SNRK: variants seen among roughly 807,000 people sequenced by gnomAD.
The protein encoded by SNRK is SNF-related serine/threonine-protein kinase.
Under a neutral mutation model 48.2 loss-of-function variants are expected in SNRK, and 3 were observed. The observed-to-expected ratio is 0.06, with a 90% CI of 0.03 to 0.16. SNRK has a LOEUF of 0.16. Ranked by LOEUF, SNRK falls within the 10% of genes least tolerant of loss-of-function variation. The pLI is 1.00. For missense variants in SNRK, 627 were observed against 976.0 expected, an observed-to-expected ratio of 0.64 and a Z score of 4.76; for synonymous variants, 376 against 366.1, an observed-to-expected ratio of 1.03 and a Z score of -0.31.
At chr3:43,340,715 TGG>T in intron 5 of SNRK, 1 of 556,140 alleles carries the variant, frequency 1.8e-6, no homozygotes, top group South Asian at 2.1e-5. Context: ...AAGCCATTGC[TGG>T]GTGGTTTCAG....
chr3:43,304,158 G>C (rs1176804096), intron 3 of SNRK, among the ~76,000 whole-genome samples: 1 of 152,088 alleles, frequency 6.6e-6, no homozygotes, highest in Non-Finnish European at 1.5e-5. Context: ...AATCATTGGA[G>C]ACCCATATTG....
At chr3:43,310,235 G>T (rs1219912911) in intron 3 of SNRK, among the ~76,000 whole-genome samples, 1 of 151,670 alleles carries the variant, frequency 6.6e-6, no homozygotes, top group African/African-American at 2.4e-5. Context: ...TTATTTTGTG[G>T]TTTTCATTTG....
intron 1 of SNRK, among the ~76,000 whole-genome samples, chr3:43,289,151 A>AC (rs1559456680): frequency 1.3e-5 from 2 of 152,146 alleles, no homozygotes; most frequent in African/African-American, 4.8e-5. Context: ...ATAGGGAAAA[A>AC]CCTGCAGAAG....
chr3:43,293,170 C>T (rs1376855011), intron 1 of SNRK, among the ~76,000 whole-genome samples: 2 of 151,724 alleles, frequency 1.3e-5, no homozygotes, highest in Non-Finnish European at 2.9e-5. Context: ...AGTGGCTGAT[C>T]TCGGCTCACT....
At chr3:43,302,384 T>C (rs1447899654) in intron 2 of SNRK, among the ~76,000 whole-genome samples, 2 of 152,150 alleles carry the variant, frequency 1.3e-5, no homozygotes, top group East Asian at 1.9e-4. Context: ...ATTTCAAAAT[T>C]TAATAAGACA....
At position 43,347,740 on chromosome 3, in the gene SNRK, A is replaced by C; in HGVS notation, c.1481A>C (p.Glu494Ala). The change falls in exon 7 of 7, where the codon GAA becomes GCA. Residue 494 changes from glutamate (E) to alanine (A), a missense_variant. Coordinates refer to ENST00000296088, the MANE Select transcript of SNRK (RefSeq NM_017719.5). The surrounding 1 kb of genome is among the most constrained non-coding windows in gnomAD (Gnocchi z 5.4). ...PVLNQIFEEG[E>A]SDDEFDMDEN... The stretch of plus-strand genomic sequence containing the variant: ...CTCAACCAGATCTTTGAGGAAGGGG[A>C]ATCTGACGATGAGTTTGACATGGAT... 6.2e-7 allele frequency: 1 copy of C among 1,614,132 alleles called. No homozygotes were observed. Among genetic ancestry groups the C allele is most frequent in the Non-Finnish European group, 8.5e-7 (1 of 1,180,030 alleles).
At chr3:43,322,410 T>C (rs1367883311) in intron 3 of SNRK, among the ~76,000 whole-genome samples, 1 of 152,224 alleles carries the variant, frequency 6.6e-6, no homozygotes, top group Non-Finnish European at 1.5e-5. Context: ...AGTTCGTGGA[T>C]GTAGTACACA....
chr3:43,347,147 C>A lies in SNRK; in HGVS notation c.1080-192C>A. 1.9e-6 allele frequency: 1 copy of A among 527,768 alleles called. No individual in the cohort carries two copies. Among genetic ancestry groups the A allele is most frequent in the East Asian group, 3.0e-5 (1 of 33,246 alleles). 32.7% of individuals were successfully genotyped at this position (527,768 alleles called of 1,614,324 possible). A position where few individuals can be genotyped will look rare whatever the true frequency, so the allele number is the denominator to read the frequency against. On this transcript the variant is annotated intron_variant, in intron 6 of 6. Coordinates refer to ENST00000296088, the MANE Select transcript of SNRK (RefSeq NM_017719.5). This position sits in a 1 kb window ranked among gnomAD's most constrained non-coding sequence, Gnocchi z 5.4. ...TTGGCCAATAAGCCACAAACTGAAC[C>A]ATGTTTCAAAACCACATTTGCCCTT...
chr3:43,326,710 A>G (rs1239926104), intron 3 of SNRK, among the ~76,000 whole-genome samples: 2 of 152,140 alleles, frequency 1.3e-5, no homozygotes, highest in Non-Finnish European at 2.9e-5. Context: ...GATGTCTCCT[A>G]AGTTTAGACT....
chr3:43,337,259 G>T (rs889933881), intron 4 of SNRK, among the ~76,000 whole-genome samples: 1 of 150,186 alleles, frequency 6.7e-6, no homozygotes, highest in African/African-American at 2.5e-5. Context: ...ATTTTTAGTA[G>T]TGATGGGGTT....
At chr3:43,322,921 C>T (rs1386543097) in intron 3 of SNRK, among the ~76,000 whole-genome samples, 2 of 117,926 alleles carry the variant, frequency 1.7e-5, no homozygotes, top group Non-Finnish European at 3.3e-5. Flanking sequence ...CACTGCACTA[C>T]AGCCTGCGCG....
chr3:43,328,400 T>C (rs907903858), intron 3 of SNRK, among the ~76,000 whole-genome samples: 9 of 152,210 alleles, frequency 5.9e-5, no homozygotes, highest in East Asian at 3.9e-4. Context: ...TGGCTATGTT[T>C]CCCAGGCTAG....
Position 43,348,838 on chromosome 3 carries a change from T to C in SNRK, c.*281T>C, listed in dbSNP as rs1437260505. 6.9e-6 allele frequency: 2 copies of C among 290,416 alleles called. No homozygotes were observed. Among genetic ancestry groups the C allele is most frequent in the Admixed American group, 4.9e-5 (1 of 20,316 alleles). The allele number at this position is 290,416 out of a possible 1,614,324, so 18.0% of individuals were successfully genotyped here. A position where few individuals can be genotyped will look rare whatever the true frequency, so the allele number is the denominator to read the frequency against. ...CAAGATATATATCTGGAACCTCTTA[T>C]AAATGGAGCACTTAGAAATTTGTTG... On this transcript the variant is annotated 3_prime_UTR_variant, in exon 7 of 7. Transcript: ENST00000296088.
chr3:43,331,727 G>GT (rs2091148051), intron 3 of SNRK, among the ~76,000 whole-genome samples: 1 of 152,086 alleles, frequency 6.6e-6, no homozygotes, highest in East Asian at 1.9e-4. Context: ...ACATCACCTG[G>GT]TTACCTCACT....
chr3:43,326,442 G>A (rs2091097226), intron 3 of SNRK, among the ~76,000 whole-genome samples: 1 of 150,958 alleles, frequency 6.6e-6, no homozygotes. Context: ...CTGGCTGAGT[G>A]TAGACTAGGG....
Position 43,309,613 on chromosome 3 carries a change from T to TG in SNRK, c.589+5821_589+5822insG, listed in dbSNP as rs1224659699. On this transcript the variant is annotated intron_variant, in intron 3 of 6. Coordinates refer to ENST00000296088, the MANE Select transcript of SNRK (RefSeq NM_017719.5). ...GAAGGCTCATTTTTTAGAAATAAGG[T>TG]TTTTTTTTTTTTTTATTCTTTGAGA... is the stretch of plus-strand genomic sequence containing the variant. Among the ~76,000 whole-genome samples, 5 of 7,486 alleles carry TG rather than the reference T, an allele frequency of 6.7e-4. No homozygotes were observed. The Admixed American group carries it at 8.4e-3, about 13-fold the overall frequency. 4.9% of individuals were successfully genotyped at this position (7,486 alleles called of 152,430 possible). A position where few individuals can be genotyped will look rare whatever the true frequency, so the allele number is the denominator to read the frequency against.
At chr3:43,337,473 T>G (rs1320949971) in intron 4 of SNRK, among the ~76,000 whole-genome samples, 1 of 152,076 alleles carries the variant, frequency 6.6e-6, no homozygotes, top group African/African-American at 2.4e-5. Context: ...CAGGCTGGAA[T>G]GCCTCAGTGC....
intron 3 of SNRK, among the ~76,000 whole-genome samples, chr3:43,319,294 ATTATT>A (rs1344039929): frequency 1.3e-5 from 2 of 152,182 alleles, no homozygotes; most frequent in Non-Finnish European, 2.9e-5. Flanking sequence ...TTAATTTAGA[ATTATT>A]TTAAACTCTG....
intron 1 of SNRK, among the ~76,000 whole-genome samples, chr3:43,293,412 A>G (rs1378270430): frequency 1.3e-5 from 2 of 152,186 alleles, no homozygotes; most frequent in Non-Finnish European, 2.9e-5. Context: ...CTTAATGGAA[A>G]AGTAAATGGA....
Sources: allele counts gnomAD v4.1 joint callset (sites outside exome capture counted in the v4.1 genomes callset), GRCh38; gene constraint gnomAD v4.1.1; non-coding constraint Gnocchi (gnomAD v3.1); transcripts MANE v1.5; gene names NCBI Gene and HGNC (gene_info 2026-07-23, HGNC 2026-07-21).